GPR141: variants seen among roughly 807,000 people sequenced by gnomAD.
The protein encoded by GPR141 is G protein-coupled receptor 141.
In GPR141, 6 loss-of-function variants were observed where a neutral mutation model predicts 6.8. The ratio of observed to expected loss-of-function variants is 0.88; its 90% CI spans 0.48 to 1.74. The LOEUF is 1.74. Ranked by LOEUF, GPR141 falls within the 40% of genes most tolerant of loss-of-function variation. The probability of loss-of-function intolerance (pLI) is 0.01; values close to 1 mark genes in which losing one functional copy is unlikely to be tolerated. For missense variants in GPR141, 372 were observed against 372.9 expected, an observed-to-expected ratio of 1.00 and a Z score of 0.02; for synonymous variants, 140 against 142.3, an observed-to-expected ratio of 0.98 and a Z score of 0.11.
In GPR141 at chr7:37,697,262, G is replaced by T. The variant is rs1325662701; in HGVS notation, c.-15+11679G>T. 4.6e-5 allele frequency among the ~76,000 whole-genome samples: 7 copies of T among 152,018 alleles called. No homozygotes were observed. The East Asian group carries it at 1.3e-3, about 29-fold the overall frequency. ...TCTTCACAGGAACAGATCTAAAACA[G>T]GCCAATTCGGAGACATTTGCAGAAA... is the stretch of plus-strand genomic sequence containing the variant. On this transcript the variant is annotated intron_variant, in intron 2 of 2. Coordinates refer to ENST00000334425, the MANE Select transcript of GPR141 (RefSeq NM_001381946.1).
At chr7:37,728,452 G>T (rs767809427) in intron 2 of GPR141, among the ~76,000 whole-genome samples, 4 of 152,082 alleles carry the variant, frequency 2.6e-5, no homozygotes, top group African/African-American at 7.2e-5. Flanking sequence ...AGGTCTACAC[G>T]CTAATGAGCA....
At position 37,740,948 on chromosome 7, in the gene GPR141, A is replaced by C. The variant is rs776066112; in HGVS notation, c.555A>C (p.Ile185=). ...ATGTGAAAATCATCAACTATATGAT[A>C]GTCATTTTTGTCATAGCCGTTGCTG... ...YTYVKIINYM[I]VIFVIAVAVI... Residue 185 remains isoleucine, a synonymous_variant, in exon 3 of 3, where the codon ATA becomes ATC. Transcript: ENST00000334425. 4.3e-6 allele frequency: 7 copies of C among 1,614,054 alleles called. No individual in the cohort carries two copies. The highest frequency in any genetic ancestry group is 5.9e-6 in the Non-Finnish European group (7 of 1,179,908).
chr7:37,715,004 G>T (rs549671163), intron 2 of GPR141, among the ~76,000 whole-genome samples: 3 of 152,234 alleles, frequency 2.0e-5, no homozygotes, highest in Non-Finnish European at 2.9e-5. Flanking sequence ...GTTATAACAA[G>T]AATTGTTGGC....
chr7:37,733,059 C>A (rs1812052963), intron 2 of GPR141, among the ~76,000 whole-genome samples: 1 of 152,080 alleles, frequency 6.6e-6, no homozygotes, highest in Non-Finnish European at 1.5e-5. Context: ...CAAAGTGTGT[C>A]AGGTAAGGCA....
At chr7:37,700,093 A>G (rs1268085309) in intron 2 of GPR141, among the ~76,000 whole-genome samples, 1 of 152,240 alleles carries the variant, frequency 6.6e-6, no homozygotes, top group Non-Finnish European at 1.5e-5. Flanking sequence ...ATTGTGGTAG[A>G]GCTGGTGCTG....
intron 2 of GPR141, among the ~76,000 whole-genome samples, chr7:37,710,273 T>C (rs1274141744): frequency 1.3e-5 from 2 of 152,172 alleles, no homozygotes; most frequent in African/African-American, 4.8e-5. Context: ...AAATTTGAAA[T>C]CTGTAGCACA....
intron 2 of GPR141, among the ~76,000 whole-genome samples, chr7:37,700,353 A>T (rs1005063825): frequency 6.6e-6 from 1 of 152,248 alleles, no homozygotes; most frequent in Non-Finnish European, 1.5e-5. Context: ...GAGCCTCAGC[A>T]TGCTAATTTC....
At chr7:37,696,251 TA>T (rs1489065927) in intron 2 of GPR141, among the ~76,000 whole-genome samples, 1 of 152,248 alleles carries the variant, frequency 6.6e-6, no homozygotes, top group African/African-American at 2.4e-5. Flanking sequence ...GGATGTCTTC[TA>T]AGCATATTTA....
At chr7:37,694,319 C>A (rs1437360759) in intron 2 of GPR141, among the ~76,000 whole-genome samples, 1 of 152,208 alleles carries the variant, frequency 6.6e-6, no homozygotes. Flanking sequence ...GGAGGCAATG[C>A]ACAGCCTTGG....
At chr7:37,734,755 G>T (rs1436557840) in intron 2 of GPR141, among the ~76,000 whole-genome samples, 2 of 152,184 alleles carry the variant, frequency 1.3e-5, no homozygotes, top group Admixed American at 6.5e-5. Flanking sequence ...CTTCCCTAAA[G>T]AACTGATAGT....
intron 2 of GPR141, among the ~76,000 whole-genome samples, chr7:37,700,741 A>G (rs1029540821): frequency 1.3e-5 from 2 of 152,228 alleles, no homozygotes; most frequent in African/African-American, 4.8e-5. Flanking sequence ...TTTATACCAT[A>G]TACCCAGCTC....
chr7:37,704,869 C>A (rs1810452958), intron 2 of GPR141, among the ~76,000 whole-genome samples: 2 of 152,124 alleles, frequency 1.3e-5, no homozygotes, highest in Admixed American at 1.3e-4. Flanking sequence ...ATTTTTAACT[C>A]ATCCATGAGT....
chr7:37,698,804 A>G (rs1810143784), intron 2 of GPR141, among the ~76,000 whole-genome samples: 1 of 152,232 alleles, frequency 6.6e-6, no homozygotes, highest in Non-Finnish European at 1.5e-5. Context: ...CATCTGAAAT[A>G]AAAGAAAATG....
In GPR141 at chr7:37,718,774, G is replaced by A. The variant is rs191895355; in HGVS notation, c.-14-21606G>A. Among the ~76,000 whole-genome samples the A allele has an allele frequency of 8.1e-3, 1,233 of 152,250 alleles. 7 individuals are homozygous for A. Among genetic ancestry groups the A allele is most frequent in the Non-Finnish European group, 0.013 (899 of 68,024 alleles). The stretch of plus-strand genomic sequence containing the variant: ...CCCTGTCTACATCCACTTAACAATT[G>A]CTCTTCTGAGATCACAAGGGTGATA... On this transcript the variant is annotated intron_variant, in intron 2 of 2. Coordinates refer to ENST00000334425, the MANE Select transcript of GPR141 (RefSeq NM_001381946.1).
chr7:37,727,095 G>A (rs537806778), intron 2 of GPR141, among the ~76,000 whole-genome samples: 3 of 152,172 alleles, frequency 2.0e-5, no homozygotes, highest in Admixed American at 6.5e-5. Flanking sequence ...ATTATACATC[G>A]AAGTGGATAT....
intron 2 of GPR141, among the ~76,000 whole-genome samples, chr7:37,715,508 A>G (rs1003580204): frequency 3.3e-5 from 5 of 152,300 alleles, no homozygotes; most frequent in African/African-American, 9.6e-5. Flanking sequence ...CATGATGTTT[A>G]TGGAGTGATT....
chr7:37,700,930 A>G (rs1342775298), intron 2 of GPR141, among the ~76,000 whole-genome samples: 1 of 152,206 alleles, frequency 6.6e-6, no homozygotes, highest in Admixed American at 6.5e-5. Context: ...CAGCCTAGTA[A>G]ACTCACCTGC....
chr7:37,733,856 C>T (rs887160146), intron 2 of GPR141, among the ~76,000 whole-genome samples: 1 of 151,998 alleles, frequency 6.6e-6, no homozygotes, highest in African/African-American at 2.4e-5. Context: ...CCACTTCATA[C>T]GTTGGATATT....
chr7:37,695,727 G>T (rs908524832), intron 2 of GPR141, among the ~76,000 whole-genome samples: 4 of 152,092 alleles, frequency 2.6e-5, no homozygotes, highest in Non-Finnish European at 5.9e-5. Context: ...TGTCTTTGTG[G>T]TGAGGACATG....
Sources: allele counts gnomAD v4.1 joint callset (sites outside exome capture counted in the v4.1 genomes callset), GRCh38; gene constraint gnomAD v4.1.1; transcripts MANE v1.5; gene names NCBI Gene and HGNC (gene_info 2026-07-23, HGNC 2026-07-21).